Variants in RTKN2 observed in about 807,000 individuals in gnomAD.
The protein encoded by RTKN2 is rhotekin 2.
In RTKN2, 69 loss-of-function variants were observed where a neutral mutation model predicts 71.5. That is an observed-to-expected ratio of 0.96 (90% confidence interval 0.79 to 1.18). RTKN2 has a LOEUF of 1.18. Among genes scored for constraint, RTKN2 ranks in the 50% most tolerant of loss-of-function variants. RTKN2 has a pLI of 0.00. For missense variants in RTKN2, 724 were observed against 719.7 expected (o/e 1.01, Z -0.07); for synonymous variants, 236 against 236.5 (o/e 1.00, Z 0.02).
At chr10:62,201,078 G>A (rs556790150) in intron 10 of RTKN2, among the ~76,000 whole-genome samples, 130 of 152,124 alleles carry the variant, frequency 8.5e-4, no homozygotes, top group African/African-American at 2.9e-3. Context: ...CTACGTATCT[G>A]TATATTAATT....
chr10:62,210,399 C>G (rs1841635126), intron 9 of RTKN2, among the ~76,000 whole-genome samples: 1 of 152,062 alleles, frequency 6.6e-6, no homozygotes, highest in South Asian at 2.1e-4. Flanking sequence ...TTCATTTATA[C>G]TATTCTATGT....
intron 11 of RTKN2, among the ~76,000 whole-genome samples, chr10:62,198,942 C>T (rs1013528419): frequency 6.6e-6 from 1 of 152,134 alleles, no homozygotes; most frequent in Non-Finnish European, 1.5e-5. Flanking sequence ...AGCAAAGTCT[C>T]TGTTAAAAGG....
At position 62,198,141 on chromosome 10, in the gene RTKN2, T is replaced by A; in HGVS notation, c.1597A>T (p.Thr533Ser). 6.2e-7 allele frequency: 1 copy of A among 1,614,142 alleles called. No homozygotes were observed. The highest frequency in any genetic ancestry group is 8.5e-7 in the Non-Finnish European group (1 of 1,179,986). Residue 533 changes from threonine (T) to serine (S), a missense_variant, in exon 12 of 12, where the codon ACA (threonine) becomes TCA (serine). Physicochemically the swap from Thr to Ser is moderately conservative, Grantham distance 58 (BLOSUM62 1). Transcript: ENST00000373789. ...DQLVKDNWGKTSVSQTSSLDT... is the reference protein window; with the variant it reads ...DQLVKDNWGKSSVSQTSSLDT... ...AAAGACGATGTCTGAGATACACTTG[T>A]TTTTCCCCAGTTGTCCTTAACCAAT...
intron 2 of RTKN2, among the ~76,000 whole-genome samples, chr10:62,260,629 G>A (rs1373713471): frequency 6.6e-6 from 1 of 152,066 alleles, no homozygotes; most frequent in Non-Finnish European, 1.5e-5. Flanking sequence ...TTTCCAGTTA[G>A]GGATCCTAAT....
Position 62,198,042 on chromosome 10 carries a change from T to C in RTKN2, c.1696A>G (p.Arg566Gly). 1 of 1,614,114 alleles carries C rather than the reference T, an allele frequency of 6.2e-7. No homozygotes were observed. The highest frequency in any genetic ancestry group is 8.5e-7 in the Non-Finnish European group (1 of 1,179,976). The change falls in exon 12 of 12, where the codon AGG becomes GGG. Residue 566 changes from arginine to glycine, a missense_variant. By Grantham distance (125) the Arg-to-Gly change is moderately radical. Transcript: ENST00000373789. The part of the protein sequence containing the change: ...MAAPRKLLPA[R>G]RNRLSDGEHT... ...TCACCATCACTTAATCTATTTCTCC[T>C]GGCAGGCAGAAGTTTTCGAGGAGCA... is the stretch of plus-strand genomic sequence containing the variant.
chr10:62,198,375 C>T lies in RTKN2; in HGVS notation c.1363G>A (p.Gly455Arg). ...IIQKKIEETN[G>R]QFLIGQHEES... The stretch of plus-strand genomic sequence containing the variant: ...TCATGCTGACCAATAAGGAACTGCC[C>T]ATTTGTCTCTTCAATTTTTTTTTGT... Residue 455 changes from glycine to arginine, a missense_variant, in exon 12 of 12, where the codon GGG becomes AGG. Physicochemically the swap from Gly to Arg is moderately radical, Grantham distance 125 (BLOSUM62 -2). Coordinates refer to ENST00000373789, the MANE Select transcript of RTKN2 (RefSeq NM_145307.4). 6.2e-7 allele frequency: 1 copy of T among 1,600,766 alleles called. No individual in the cohort carries two copies. Among genetic ancestry groups the T allele is most frequent in the Non-Finnish European group, 8.5e-7 (1 of 1,176,192 alleles).
At position 62,193,630 on chromosome 10, in the gene RTKN2, A is replaced by T. The variant is rs1266852678; in HGVS notation, c.*4278T>A. The T allele has an allele frequency of 4.1e-6, 4 of 985,228 alleles. No homozygotes were observed. Among genetic ancestry groups the T allele is most frequent in the African/African-American group, 1.7e-5 (1 of 57,234 alleles). The allele number at this position is 985,228 out of a possible 1,614,324, so 61.0% of individuals were successfully genotyped here. A position where few individuals can be genotyped will look rare whatever the true frequency, so the allele number is the denominator to read the frequency against. ...TTGCTCATTTCTCTCCCCCACTCTG[A>T]GGCGCTCTGCAGGAATAAAGTACTG... is the stretch of plus-strand genomic sequence containing the variant. On this transcript the variant is annotated 3_prime_UTR_variant, in exon 12 of 12. Coordinates refer to ENST00000373789, the MANE Select transcript of RTKN2 (RefSeq NM_145307.4).
chr10:62,209,624 C>G (rs938745058), intron 9 of RTKN2, among the ~76,000 whole-genome samples: 2 of 152,154 alleles, frequency 1.3e-5, no homozygotes, highest in African/African-American at 4.8e-5. Context: ...ACCCTCCACA[C>G]TCTCCGATAG....
intron 5 of RTKN2, among the ~76,000 whole-genome samples, chr10:62,237,763 A>G (rs1400349141): frequency 6.6e-6 from 1 of 151,550 alleles, no homozygotes; most frequent in East Asian, 1.9e-4. Flanking sequence ...TACAGGGGAA[A>G]AATGTACTTC....
At position 62,197,972 on chromosome 10, in the gene RTKN2, G is replaced by A. The variant is rs1440212430; in HGVS notation, c.1766C>T (p.Ala589Val). ...KTNFEAKPVP[A>V]PRQKSIKDIL... ...GTCTTTGATGGATTTCTGCCTTGGA[G>A]CTGGCACTGGCTTGGCTTCAAAATT... is the stretch of plus-strand genomic sequence containing the variant. Residue 589 changes from alanine (A) to valine (V), a missense_variant, in exon 12 of 12, where the codon GCT (alanine) becomes GTT (valine). Transcript: ENST00000373789. 1.2e-6 allele frequency: 2 copies of A among 1,614,042 alleles called. No homozygotes were observed. The highest frequency in any genetic ancestry group is 1.7e-6 in the Non-Finnish European group (2 of 1,179,946).
chr10:62,200,608 G>GA (rs1231316411), intron 10 of RTKN2, among the ~76,000 whole-genome samples: 1 of 151,556 alleles, frequency 6.6e-6, no homozygotes, highest in African/African-American at 2.4e-5. Flanking sequence ...GAAGGAAATA[G>GA]AAAAAAACAT....
Position 62,268,568 on chromosome 10 carries a change from C to A in RTKN2, c.43G>T (p.Gly15Trp), listed in dbSNP as rs769223693. 3.1e-5 allele frequency: 48 copies of A among 1,564,874 alleles called. 1 individual carries two copies. Among genetic ancestry groups the A allele is most frequent in the Admixed American group, 1.5e-4 (8 of 52,852 alleles). The change falls in exon 1 of 12, where the codon GGG becomes TGG. Residue 15 changes from glycine (G) to tryptophan (W), a missense_variant. Coordinates refer to ENST00000373789, the MANE Select transcript of RTKN2 (RefSeq NM_145307.4). ...SLRGPALRLAGLPTQQDCNIQ... is the reference protein window; with the variant it reads ...SLRGPALRLAWLPTQQDCNIQ... Reference sequence around the variant, plus strand: ...CAACTCACCTGCTGGGTGGGAAGCCCCGCCAGGCGGAGCGCAGGACCCCTC... The same window carrying A: ...CAACTCACCTGCTGGGTGGGAAGCCACGCCAGGCGGAGCGCAGGACCCCTC...
intron 10 of RTKN2, 94 bp downstream of exon 10, chr10:62,204,763 G>T: frequency 1.1e-6 from 1 of 917,286 alleles, no homozygotes; most frequent in Non-Finnish European, 1.6e-6. Flanking sequence ...AAAAATTTTT[G>T]CTACAAACTC....
chr10:62,244,004 GA>G (rs1842431630), intron 3 of RTKN2, among the ~76,000 whole-genome samples: 1 of 152,144 alleles, frequency 6.6e-6, no homozygotes, highest in Admixed American at 6.5e-5. Flanking sequence ...ATGTTCAGCA[GA>G]AATAATAAAT....
At chr10:62,249,140 T>G (rs1842530647) in intron 2 of RTKN2, among the ~76,000 whole-genome samples, 1 of 152,172 alleles carries the variant, frequency 6.6e-6, no homozygotes, top group Admixed American at 6.5e-5. Context: ...CTATACGTTT[T>G]CTTTTTTGAG....
At chr10:62,253,166 G>GGAGATGGACAAAGATA (rs1842613424) in intron 2 of RTKN2, among the ~76,000 whole-genome samples, 1 of 151,946 alleles carries the variant, frequency 6.6e-6, no homozygotes, top group African/African-American at 2.4e-5. Context: ...GGACAAAGAT[G>GGAGATGGACAAAGATA]TATGAAACAA....
intron 8 of RTKN2, among the ~76,000 whole-genome samples, chr10:62,185,654 C>G (rs999663124): frequency 8.5e-5 from 13 of 152,130 alleles, no homozygotes; most frequent in Admixed American, 2.0e-4. Flanking sequence ...GACATTGACT[C>G]AGTTTCAAAT....
intron 2 of RTKN2, among the ~76,000 whole-genome samples, chr10:62,259,961 G>A (rs566654544): frequency 3.3e-5 from 5 of 152,010 alleles, no homozygotes; most frequent in African/African-American, 9.7e-5. Context: ...TTAGATATTC[G>A]TCAATTCCAC....
chr10:62,191,114 T>G (rs576414095), downstream of RTKN2, among the ~76,000 whole-genome samples: 27 of 152,296 alleles, frequency 1.8e-4, no homozygotes, highest in Non-Finnish European at 2.5e-4. Context: ...AAGATATTCA[T>G]AGTATATACT....
Sources: gnomAD v4.1 joint callset for allele counts (sites outside exome capture counted in the v4.1 genomes callset) on GRCh38, gnomAD v4.1.1 for gene constraint, MANE v1.5 for transcripts, NCBI Gene and HGNC (gene_info 2026-07-23, HGNC 2026-07-21) for gene names.